The following TYRP1 variants were observed in gnomAD, a reference collection of about 807,000 sequenced individuals.
The protein encoded by TYRP1 is 5,6-dihydroxyindole-2-carboxylic acid oxidase.
A neutral mutation model predicts 42.8 loss-of-function variants in TYRP1; 49 were observed. That is an observed-to-expected ratio of 1.14 (90% confidence interval 0.91 to 1.45). The LOEUF (loss-of-function observed/expected upper bound fraction) is 1.45, where lower values mean the gene tolerates loss of function less well. TYRP1 is among the 40% of genes most tolerant of loss of function. TYRP1 has a pLI of 0.00. For synonymous variants in TYRP1, 279 were observed against 235.4 expected (o/e 1.19, Z -1.69); for missense variants, 848 against 662.0 (o/e 1.28, Z -3.08).
At position 12,695,646 on chromosome 9, in the gene TYRP1, G is replaced by A. The variant is rs1399538064; in HGVS notation, c.517G>A (p.Asp173Asn). Residue 173 changes from aspartate (D) to asparagine (N), a missense_variant, in exon 3 of 8, where the codon GAT becomes AAT. Asp to Asn is a conservative substitution (Grantham distance 23, BLOSUM62 1). Coordinates refer to ENST00000388918, the MANE Select transcript of TYRP1 (RefSeq NM_000550.3). ...TRRSEEILGPDGNTPQFENIS... is the reference protein window; with the variant it reads ...TRRSEEILGPNGNTPQFENIS... ...GAGATCAGAAGAAATACTGGGGCCA[G>A]ATGGCAACACGCCACAATTTGAGAA... The A allele has an allele frequency of 6.2e-7, 1 of 1,614,066 alleles. No individual in the cohort carries two copies. Among genetic ancestry groups the A allele is most frequent in the Non-Finnish European group, 8.5e-7 (1 of 1,180,042 alleles).
At chr9:12,695,429 G>A (rs1013906258) in intron 2 of TYRP1, 86 bp from the exon 3 acceptor site, 43 of 1,201,520 alleles carry the variant, frequency 3.6e-5, no homozygotes, top group Admixed American at 3.5e-5. Context: ...TAAATGGGTC[G>A]TGGTGTGTTA....
At chr9:12,699,611 A>G (rs1818133698) in intron 4 of TYRP1, among the ~76,000 whole-genome samples, 1 of 152,118 alleles carries the variant, frequency 6.6e-6, no homozygotes, top group South Asian at 2.1e-4. Context: ...CCATTAGATT[A>G]TTTAGCAATG....
At chr9:12,703,430 C>T (rs996076530) in intron 5 of TYRP1, among the ~76,000 whole-genome samples, 2 of 151,484 alleles carry the variant, frequency 1.3e-5, no homozygotes, top group East Asian at 1.9e-4. Context: ...TAAAAAAAAT[C>T]ACTATATTTT....
In TYRP1 at chr9:12,695,575, A is replaced by T. The variant is rs532369653; in HGVS notation, c.446A>T (p.Asp149Val). The change falls in exon 3 of 8, where the codon GAT becomes GTT. Residue 149 changes from aspartate to valine, a missense_variant. By Grantham distance (152) the Asp-to-Val change is radical. Coordinates refer to ENST00000388918, the MANE Select transcript of TYRP1 (RefSeq NM_000550.3). ...AAGAACCACTTTGTCCGGGCCCTGG[A>T]TATGGCAAAGCGCACAACTCACCCT... ...EEKNHFVRALDMAKRTTHPLF... is the reference protein window; with the variant it reads ...EEKNHFVRALVMAKRTTHPLF... 6.2e-7 allele frequency: 1 copy of T among 1,614,162 alleles called. No individual in the cohort carries two copies. The highest frequency in any genetic ancestry group is 1.3e-5 in the African/African-American group (1 of 75,050).
At chr9:12,706,671 A>C (rs936250537) in intron 6 of TYRP1, among the ~76,000 whole-genome samples, 1 of 152,072 alleles carries the variant, frequency 6.6e-6, no homozygotes, top group Admixed American at 6.6e-5. Context: ...AGCTAAGCTG[A>C]AACAATTAGC....
chr9:12,699,374 G>A (rs995490558), intron 4 of TYRP1, among the ~76,000 whole-genome samples: 2 of 151,930 alleles, frequency 1.3e-5, no homozygotes, highest in Non-Finnish European at 2.9e-5. Context: ...GTAACACAAG[G>A]TTTAATTATT....
intron 3 of TYRP1, 22 bp from the exon 4 acceptor site, chr9:12,698,429 T>G: frequency 6.2e-7 from 1 of 1,601,704 alleles, no homozygotes; most frequent in Non-Finnish European, 8.6e-7. Flanking sequence ...CAGAGAGTAT[T>G]AATGTGGTTT....
At chr9:12,700,802 A>G (rs889872663) in intron 4 of TYRP1, among the ~76,000 whole-genome samples, 3 of 152,094 alleles carry the variant, frequency 2.0e-5, no homozygotes, top group Admixed American at 6.6e-5. Context: ...TCCCCAAAAC[A>G]TCAGCTTGAA....
intron 4 of TYRP1, among the ~76,000 whole-genome samples, chr9:12,701,995 ATTGAT>A (rs1382955437): frequency 2.0e-5 from 3 of 152,142 alleles, no homozygotes; most frequent in Middle Eastern, 6.8e-3. Flanking sequence ...AGAAGCATAT[ATTGAT>A]TTAACAAATA....
intron 7 of TYRP1, 126 bp downstream of exon 7, chr9:12,708,269 C>T (rs17280629): frequency 0.056 from 66,491 of 1,192,332 alleles, 2,114 homozygotes; most frequent in Non-Finnish European, 0.061. Flanking sequence ...TTCATTTGTA[C>T]TTTTATTTGA....
chr9:12,693,819 G>C (rs1818032239), intron 1 of TYRP1, 93 bp from the exon 2 acceptor site: 1 of 697,904 alleles, frequency 1.4e-6, no homozygotes, highest in Non-Finnish European at 2.4e-6. Context: ...TTTTACATAT[G>C]GGTTCCATTT....
At chr9:12,698,361 A>G in intron 3 of TYRP1, 90 bp from the exon 4 acceptor site, 1 of 1,257,014 alleles carries the variant, frequency 8.0e-7, no homozygotes, top group Admixed American at 1.8e-5. Flanking sequence ...GAAGAGAGCT[A>G]ATAGAAATAG....
rs750774446 is a variant in TYRP1 at position 12,694,013 on chromosome 9, T to C, written c.17T>C (p.Leu6Pro). 2.5e-6 allele frequency: 4 copies of C among 1,613,974 alleles called. No homozygotes were observed. The South Asian group carries it at 4.4e-5, about 18-fold the overall frequency. MSAPKLLSLGCIFFPL... is the reference protein window; with the variant it reads MSAPKPLSLGCIFFPL... ...TCAAGCAGAATGAGTGCTCCTAAAC[T>C]CCTCTCTCTGGGCTGTATCTTCTTC... Residue 6 changes from leucine (L) to proline (P), a missense_variant, in exon 2 of 8, where the codon CTC becomes CCC. By Grantham distance (98) the Leu-to-Pro change is moderately conservative. Transcript: ENST00000388918.
rs1818317986 is a variant in TYRP1 at position 12,709,316 on chromosome 9, T to C, written c.*134T>C. The C allele has an allele frequency of 1.1e-6, 1 of 921,702 alleles. No individual in the cohort carries two copies. The highest frequency in any genetic ancestry group is 1.7e-6 in the Non-Finnish European group (1 of 589,070). 57.1% of individuals were successfully genotyped at this position (921,702 alleles called of 1,614,324 possible). On this transcript the variant is annotated 3_prime_UTR_variant, in exon 8 of 8. Coordinates refer to ENST00000388918, the MANE Select transcript of TYRP1 (RefSeq NM_000550.3). ...CAAGCATATGTTAGCATTAAAGTTC[T>C]AGGCATACTTTTCAAAGCTGGGAAG...
chr9:12,697,909 G>C (rs964110144), intron 3 of TYRP1, among the ~76,000 whole-genome samples: 1 of 152,148 alleles, frequency 6.6e-6, no homozygotes, highest in African/African-American at 2.4e-5. Context: ...TCCGTGCTCA[G>C]TGTGAAAGAG....
chr9:12,706,190 A>G (rs1818255100), intron 6 of TYRP1, among the ~76,000 whole-genome samples: 1 of 152,058 alleles, frequency 6.6e-6, no homozygotes, highest in Non-Finnish European at 1.5e-5. Context: ...CTTTTGTTAA[A>G]CATGCACTTC....
chr9:12,698,521 T>A lies in TYRP1; in HGVS notation c.779T>A (p.Ile260Asn). The change falls in exon 4 of 8, where the codon ATC (isoleucine) becomes AAC (asparagine). Residue 260 changes from isoleucine to asparagine, a missense_variant. Physicochemically the swap from Ile to Asn is moderately radical, Grantham distance 149 (BLOSUM62 -3). Transcript: ENST00000388918. The stretch of plus-strand genomic sequence containing the variant: ...GCAACGGGGAAAAATGTCTGTGATA[T>A]CTGCACGGATGACTTGATGGGATCC... Reference protein sequence around the residue: ...NFATGKNVCDICTDDLMGSRS... With the variant: ...NFATGKNVCDNCTDDLMGSRS... 1 of 1,613,892 alleles carries A rather than the reference T, an allele frequency of 6.2e-7. No individual in the cohort carries two copies. Among genetic ancestry groups the A allele is most frequent in the South Asian group, 1.1e-5 (1 of 91,082 alleles).
chr9:12,704,280 G>T (rs1338854161), intron 5 of TYRP1, among the ~76,000 whole-genome samples: 2 of 151,778 alleles, frequency 1.3e-5, no homozygotes, highest in African/African-American at 4.8e-5. Flanking sequence ...TCCTTTGCAG[G>T]TCATTATTTT....
In TYRP1 at chr9:12,707,981, C is replaced by T; in HGVS notation, c.1262-16C>T. ...TTTATTATGTTTATTAATACGTTGT[C>T]TTTGGAATAATTTAGATATATCCAC... On this transcript the variant is annotated splice_polypyrimidine_tract_variant and intron_variant, in intron 6 of 7. Coordinates refer to ENST00000388918, the MANE Select transcript of TYRP1 (RefSeq NM_000550.3). 1 of 1,604,202 alleles carries T rather than the reference C, an allele frequency of 6.2e-7. No individual in the cohort carries two copies. The highest frequency in any genetic ancestry group is 8.5e-7 in the Non-Finnish European group (1 of 1,173,200).
Sources: allele counts gnomAD v4.1 joint callset (sites outside exome capture counted in the v4.1 genomes callset), GRCh38; gene constraint gnomAD v4.1.1; transcripts MANE v1.5; gene names NCBI Gene and HGNC (gene_info 2026-07-23, HGNC 2026-07-21).